Variants in MVB12B observed in about 807,000 individuals in gnomAD.
MVB12B encodes the protein ESCRT-I complex subunit MVB12B.
Under a neutral mutation model 41.6 loss-of-function variants are expected in MVB12B, and 16 were observed. That is an observed-to-expected ratio of 0.38 (90% CI 0.26 to 0.58). MVB12B has a LOEUF of 0.58. Ranked by LOEUF, MVB12B falls within the 20% of genes least tolerant of loss-of-function variation. The pLI is 0.62. For missense variants in MVB12B, 274 were observed against 380.2 expected, an observed-to-expected ratio of 0.72 and a Z score of 2.32; for synonymous variants, 133 against 139.7, an observed-to-expected ratio of 0.95 and a Z score of 0.34.
chr9:126,501,795 G>A (rs1344718840), intron 9 of MVB12B, among the ~76,000 whole-genome samples: 2 of 152,208 alleles, frequency 1.3e-5, no homozygotes, highest in Middle Eastern at 3.2e-3. Flanking sequence ...CAGGGCCCTT[G>A]GGAGGGCTCC....
chr9:126,499,880 A>G (rs1177788136), intron 9 of MVB12B, among the ~76,000 whole-genome samples: 1 of 147,500 alleles, frequency 6.8e-6, no homozygotes, highest in East Asian at 2.1e-4. Flanking sequence ...GCGGGCCGGG[A>G]GAGAGGAGCT....
rs967545603 is a variant in MVB12B at position 126,396,927 on chromosome 9, C to T, written c.662+1230C>T. ...GCACTGCCCATCAGCACTTGTTCCT[C>T]ACTTCTGAGCCAGAGCGCTGTCAGC... On this transcript the variant is annotated intron_variant, in intron 6 of 9. Transcript: ENST00000361171. 2.0e-5 allele frequency: 20 copies of T among 985,406 alleles called. No individual in the cohort carries two copies. The African/African-American group carries it at 2.8e-4, about 14-fold the overall frequency. 61.0% of individuals were successfully genotyped at this position (985,406 alleles called of 1,614,324 possible). A position where few individuals can be genotyped will look rare whatever the true frequency, so the allele number is the denominator to read the frequency against.
At chr9:126,460,073 T>C (rs1833058282) in intron 7 of MVB12B, among the ~76,000 whole-genome samples, 1 of 152,180 alleles carries the variant, frequency 6.6e-6, no homozygotes, top group Non-Finnish European at 1.5e-5. Flanking sequence ...CCTATCTTCT[T>C]GAGGGGGCCC....
intron 7 of MVB12B, among the ~76,000 whole-genome samples, chr9:126,434,091 G>T (rs540605758): frequency 2.0e-5 from 3 of 152,152 alleles, no homozygotes; most frequent in Admixed American, 6.5e-5. Flanking sequence ...AAGAAATTCC[G>T]ATCTTTTTTA....
chr9:126,395,945 A>G lies in MVB12B; in HGVS notation c.662+248A>G, dbSNP rs1349614710. Reference sequence around the variant, plus strand: ...GGCTTCTAAAATTGCAGATTATGCAACTTAAAATTGGCTCCCTATTCAAAA... The same window carrying G: ...GGCTTCTAAAATTGCAGATTATGCAGCTTAAAATTGGCTCCCTATTCAAAA... On this transcript the variant is annotated intron_variant, in intron 6 of 9. Coordinates refer to ENST00000361171, the MANE Select transcript of MVB12B (RefSeq NM_033446.3). This position sits in a 1 kb window ranked among gnomAD's most constrained non-coding sequence, Gnocchi z 4.9. 1 of 1,307,270 alleles carries G rather than the reference A, an allele frequency of 7.6e-7. No homozygotes were observed. Among genetic ancestry groups the G allele is most frequent in the Non-Finnish European group, 9.7e-7 (1 of 1,028,106 alleles). 81.0% of individuals were successfully genotyped at this position (1,307,270 alleles called of 1,614,324 possible). A position where few individuals can be genotyped will look rare whatever the true frequency, so the allele number is the denominator to read the frequency against.
At chr9:126,359,968 CT>C (rs1355654221) in intron 2 of MVB12B, among the ~76,000 whole-genome samples, 3 of 151,940 alleles carry the variant, frequency 2.0e-5, no homozygotes, top group African/African-American at 7.3e-5. Context: ...ATTTTTTCTT[CT>C]GCTTACTTTG....
At chr9:126,387,053 A>G (rs1161550036) in intron 4 of MVB12B, among the ~76,000 whole-genome samples, 3 of 152,138 alleles carry the variant, frequency 2.0e-5, no homozygotes, top group Admixed American at 6.6e-5. Context: ...CAAGGCCAAT[A>G]ATGTGCCCAT....
At chr9:126,492,457 C>T (rs1663403972) in intron 9 of MVB12B, among the ~76,000 whole-genome samples, 1 of 152,018 alleles carries the variant, frequency 6.6e-6, no homozygotes, top group African/African-American at 2.4e-5. Context: ...GGAAGTCCCA[C>T]CAGTGGTGCC....
rs1055743364 is a variant in MVB12B, at chr9:126,487,873, A to G, written c.873+3841A>G. 3.3e-5 allele frequency among the ~76,000 whole-genome samples: 5 copies of G among 152,234 alleles called. No homozygotes were observed. The East Asian group carries it at 9.6e-4, about 29-fold the overall frequency. On this transcript the variant is annotated intron_variant, in intron 9 of 9. Transcript: ENST00000361171. ...ATGGGGAGAGGTTAGAACCTTAAAC[A>G]GGGTAGAAAACCATAACAAGTATCG...
chr9:126,414,775 C>T (rs1196764870), intron 6 of MVB12B, among the ~76,000 whole-genome samples: 1 of 152,124 alleles, frequency 6.6e-6, no homozygotes, highest in Middle Eastern at 3.2e-3. Flanking sequence ...ACTGAAACTG[C>T]TGTCCATAAG....
At chr9:126,494,158 C>T (rs192823517) in intron 9 of MVB12B, among the ~76,000 whole-genome samples, 6 of 151,954 alleles carry the variant, frequency 3.9e-5, no homozygotes, top group African/African-American at 1.2e-4. Context: ...ATGTTTTTAT[C>T]AGAAATGGAT....
chr9:126,373,228 C>A (rs1414512472), intron 2 of MVB12B, among the ~76,000 whole-genome samples: 1 of 152,240 alleles, frequency 6.6e-6, no homozygotes, highest in Non-Finnish European at 1.5e-5. Context: ...GACCTCTTCA[C>A]TGGATTAGTC....
At chr9:126,417,086 G>A (rs1831847772) in intron 6 of MVB12B, among the ~76,000 whole-genome samples, 1 of 152,202 alleles carries the variant, frequency 6.6e-6, no homozygotes, top group Non-Finnish European at 1.5e-5. Flanking sequence ...CTGTGTCCAG[G>A]AGTAGTGGAA....
intron 7 of MVB12B, among the ~76,000 whole-genome samples, chr9:126,453,710 G>A (rs10987286): frequency 0.27 from 41,427 of 152,168 alleles, 5,735 homozygotes; most frequent in Middle Eastern, 0.33. Context: ...ATACACTCAC[G>A]TGTGGCACAC....
At chr9:126,372,976 G>A (rs1250220086) in intron 2 of MVB12B, among the ~76,000 whole-genome samples, 2 of 152,130 alleles carry the variant, frequency 1.3e-5, no homozygotes, top group Admixed American at 1.3e-4. Flanking sequence ...AGTGGAAAGC[G>A]GGTACAGTAC....
At chr9:126,330,657 A>G (rs527624433) in intron 1 of MVB12B, among the ~76,000 whole-genome samples, 1 of 152,318 alleles carries the variant, frequency 6.6e-6, no homozygotes, top group African/African-American at 2.4e-5. Context: ...CTTTAAGTGC[A>G]CAGATCGGTG....
chr9:126,420,411 C>G (rs1321872145), intron 6 of MVB12B, among the ~76,000 whole-genome samples: 2 of 152,172 alleles, frequency 1.3e-5, no homozygotes, highest in South Asian at 2.1e-4. Context: ...GGCTGAGTGT[C>G]CGCCATGAGC....
At chr9:126,429,731 A>G (rs191095862) in intron 7 of MVB12B, among the ~76,000 whole-genome samples, 12 of 152,314 alleles carry the variant, frequency 7.9e-5, no homozygotes, top group African/African-American at 2.9e-4. Flanking sequence ...GTGCTTTTCT[A>G]CATCCACCAC....
intron 2 of MVB12B, among the ~76,000 whole-genome samples, chr9:126,353,426 G>A (rs982601594): frequency 1.3e-5 from 2 of 152,276 alleles, no homozygotes; most frequent in Non-Finnish European, 1.5e-5. Flanking sequence ...TTTATAGAGA[G>A]AGGCCCTATA....
Sources: allele counts gnomAD v4.1 joint callset (sites outside exome capture counted in the v4.1 genomes callset), GRCh38; gene constraint gnomAD v4.1.1; non-coding constraint Gnocchi (gnomAD v3.1); transcripts MANE v1.5; gene names NCBI Gene and HGNC (gene_info 2026-07-23, HGNC 2026-07-21).